The following MARCHF1 variants were observed in gnomAD, a reference collection of about 807,000 sequenced individuals.
MARCHF1 encodes membrane associated ring-CH-type finger 1.
In MARCHF1, 40 loss-of-function variants were observed where a neutral mutation model predicts 54.2. The ratio of observed to expected loss-of-function variants is 0.74; its 90% CI spans 0.57 to 0.96. The LOEUF is 0.96. Ranked by LOEUF, MARCHF1 falls within the 40% of genes least tolerant of loss-of-function variation. The pLI, the probability that MARCHF1 is intolerant of heterozygous loss-of-function variation, is 0.00. For synonymous variants in MARCHF1, 236 were observed against 236.3 expected, an observed-to-expected ratio of 1.00 and a Z score of 0.01; for missense variants, 586 against 656.5, an observed-to-expected ratio of 0.89 and a Z score of 1.17.
At chr4:163,735,623 C>G (rs920471235) in intron 4 of MARCHF1, among the ~76,000 whole-genome samples, 1 of 152,102 alleles carries the variant, frequency 6.6e-6, no homozygotes, top group Admixed American at 6.6e-5. Flanking sequence ...AACCTTAATT[C>G]CATTAATAAG....
At chr4:163,733,051 C>G (rs1745892221) in intron 4 of MARCHF1, among the ~76,000 whole-genome samples, 1 of 149,914 alleles carries the variant, frequency 6.7e-6, no homozygotes, top group Non-Finnish European at 1.5e-5. Flanking sequence ...ACTCGGGAGG[C>G]TGAGGCAGGA....
intron 4 of MARCHF1, among the ~76,000 whole-genome samples, chr4:163,757,315 A>C (rs1746706068): frequency 6.6e-6 from 1 of 152,216 alleles, no homozygotes; most frequent in African/African-American, 2.4e-5. Context: ...GAAACTAGGA[A>C]AAAACCAGGG....
chr4:163,613,770 A>G (rs1741428397), intron 5 of MARCHF1: 1 of 253,010 alleles, frequency 4.0e-6, no homozygotes, highest in South Asian at 1.5e-4. Context: ...GACAAGGATA[A>G]TAATAGTCTG....
At chr4:164,366,917 C>CCAACGTCA (rs71602506) in intron 1 of MARCHF1, among the ~76,000 whole-genome samples, 16 of 151,200 alleles carry the variant, frequency 1.1e-4, no homozygotes, top group African/African-American at 1.9e-4. Flanking sequence ...TTACTAAGCA[C>CCAACGTCA]CAACCTCACA....
chr4:163,528,425 A>AAGAGT lies in MARCHF1; in HGVS notation c.*318_*322dup, dbSNP rs70948650. 831 of 255,188 alleles carry AAGAGT rather than the reference A, an allele frequency of 3.3e-3. 4 individuals are homozygous for AAGAGT. The highest frequency in any genetic ancestry group is 5.9e-3 in the Admixed American group (119 of 20,300). The allele number at this position is 255,188 out of a possible 1,614,324, so 15.8% of individuals were successfully genotyped here. ...GAACTTTTCCCCTGTTACTGTGAAG[A>AAGAGT]AGAGTATCATGGGTCCATTTAATCT... is the stretch of plus-strand genomic sequence containing the variant. On this transcript the variant is annotated 3_prime_UTR_variant, in exon 10 of 10. Coordinates refer to ENST00000514618, the MANE Select transcript of MARCHF1 (RefSeq NM_001394959.1).
intron 4 of MARCHF1, among the ~76,000 whole-genome samples, chr4:163,709,556 A>C (rs1277152517): frequency 6.6e-6 from 1 of 152,224 alleles, no homozygotes. Context: ...TCATAAAGGT[A>C]TATCTATGTG....
intron 5 of MARCHF1, among the ~76,000 whole-genome samples, chr4:163,631,938 G>C (rs1409040914): frequency 1.3e-5 from 2 of 152,156 alleles, no homozygotes; most frequent in African/African-American, 4.8e-5. Flanking sequence ...GGATTGTATA[G>C]ACATTTCTTG....
intron 3 of MARCHF1, among the ~76,000 whole-genome samples, chr4:163,918,255 T>A (rs2111354626): frequency 6.6e-6 from 1 of 152,254 alleles, no homozygotes. Context: ...TTTAATAGAT[T>A]TTGCATTTTC....
In MARCHF1 at chr4:163,715,269, G is replaced by A. The variant is rs568476400; in HGVS notation, c.112-14406C>T. On this transcript the variant is annotated intron_variant, in intron 4 of 9. Transcript: ENST00000514618. ...ATTTTACTTTATTTTATTTTGAGACGGAGTCTCGCTCTGTCACCCAGGCTG... is the reference window on the plus strand; with the variant it reads ...ATTTTACTTTATTTTATTTTGAGACAGAGTCTCGCTCTGTCACCCAGGCTG... Among the ~76,000 whole-genome samples the A allele has an allele frequency of 6.6e-5, 10 of 151,812 alleles. 1 individual carries two copies. In the South Asian group the frequency reaches 1.7e-3, roughly 25 times the overall value.
At chr4:164,084,849 A>C (rs1240096855) in intron 2 of MARCHF1, among the ~76,000 whole-genome samples, 1 of 151,852 alleles carries the variant, frequency 6.6e-6, no homozygotes, top group Non-Finnish European at 1.5e-5. Flanking sequence ...AACCACATTG[A>C]TGACTTTATC....
intron 3 of MARCHF1, among the ~76,000 whole-genome samples, chr4:163,945,106 T>C (rs1272192938): frequency 6.6e-6 from 1 of 152,214 alleles, no homozygotes; most frequent in Non-Finnish European, 1.5e-5. Flanking sequence ...GATGCTCCAA[T>C]AATTCCTATG....
At chr4:163,603,351 C>T (rs1741035019) in intron 7 of MARCHF1, among the ~76,000 whole-genome samples, 1 of 152,080 alleles carries the variant, frequency 6.6e-6, no homozygotes, top group South Asian at 2.1e-4. Flanking sequence ...CCTAGATTCA[C>T]GTTCAGCTGC....
chr4:163,623,039 C>G (rs1741742074), intron 5 of MARCHF1, among the ~76,000 whole-genome samples: 1 of 152,146 alleles, frequency 6.6e-6, no homozygotes, highest in South Asian at 2.1e-4. Flanking sequence ...GGAATAATGA[C>G]TGTCATCAGG....
chr4:163,669,687 C>A (rs1342381256), intron 5 of MARCHF1, among the ~76,000 whole-genome samples: 3 of 151,654 alleles, frequency 2.0e-5, no homozygotes, highest in Admixed American at 6.6e-5. Flanking sequence ...CAACCTCTGC[C>A]TCCCCAGTTC....
chr4:164,011,457 G>T (rs1753418994), intron 2 of MARCHF1, among the ~76,000 whole-genome samples: 1 of 152,132 alleles, frequency 6.6e-6, no homozygotes, highest in South Asian at 2.1e-4. Flanking sequence ...CTGGGCAAAA[G>T]ATCTGAACAC....
chr4:163,833,830 AG>A (rs977644890), intron 4 of MARCHF1, among the ~76,000 whole-genome samples: 6 of 152,146 alleles, frequency 3.9e-5, no homozygotes, highest in African/African-American at 1.2e-4. Flanking sequence ...TGGAATAATG[AG>A]TTTCAGTTTA....
chr4:163,705,577 C>T (rs575241173), intron 4 of MARCHF1, among the ~76,000 whole-genome samples: 5 of 152,014 alleles, frequency 3.3e-5, no homozygotes, highest in East Asian at 1.9e-4. Context: ...AAGAGACAAA[C>T]ATTATGATTT....
rs566911233 is a variant in MARCHF1, at chr4:163,746,002, C to T, written c.112-45139G>A. Among the ~76,000 whole-genome samples the T allele has an allele frequency of 5.3e-5, 8 of 152,244 alleles. No individual in the cohort carries two copies. In the South Asian group the frequency reaches 8.3e-4, roughly 16 times the overall value. On this transcript the variant is annotated intron_variant, in intron 4 of 9. Transcript: ENST00000514618. ...GTGGTACATTTGTTACATCAGTGAA[C>T]GTACACTGACACATCACCCAAAGTC...
At chr4:164,253,434 T>G (rs920711999) in intron 1 of MARCHF1, among the ~76,000 whole-genome samples, 4 of 152,140 alleles carry the variant, frequency 2.6e-5, no homozygotes, top group Non-Finnish European at 5.9e-5. Context: ...TTAATAAAAT[T>G]TATTGTAACA....
Sources: gnomAD v4.1 joint callset for allele counts (sites outside exome capture counted in the v4.1 genomes callset) on GRCh38, gnomAD v4.1.1 for gene constraint, MANE v1.5 for transcripts, NCBI Gene and HGNC (gene_info 2026-07-23, HGNC 2026-07-21) for gene names.